DPH6: variants seen among roughly 807,000 people sequenced by gnomAD.
The protein encoded by DPH6 is diphthine--ammonia ligase.
Under a neutral mutation model 38.2 loss-of-function variants are expected in DPH6, and 33 were observed. The ratio of observed to expected loss-of-function variants is 0.86; its 90% confidence interval spans 0.65 to 1.15. The LOEUF (loss-of-function observed/expected upper bound fraction) is 1.15. DPH6 is among the 50% of genes most tolerant of loss of function. DPH6 has a pLI of 0.00. For missense variants in DPH6, 325 were observed against 320.0 expected (o/e 1.02, Z -0.12); for synonymous variants, 108 against 103.0 (o/e 1.05, Z -0.30).
intron 3 of DPH6, among the ~76,000 whole-genome samples, chr15:35,270,356 T>A (rs1488270649): frequency 6.6e-6 from 1 of 152,258 alleles, no homozygotes; most frequent in Non-Finnish European, 1.5e-5. Flanking sequence ...CTGCTGATCT[T>A]GTCAGCTATT....
intron 5 of DPH6, 24 bp from the exon 6 acceptor site, chr15:35,410,920 T>A (rs1475279054): frequency 5.0e-6 from 8 of 1,594,584 alleles, no homozygotes; most frequent in Non-Finnish European, 6.8e-6. Flanking sequence ...TTACATTTTT[T>A]AAAGATAACT....
At chr15:35,257,038 G>T (rs1288473033) in intron 3 of DPH6, among the ~76,000 whole-genome samples, 1 of 152,126 alleles carries the variant, frequency 6.6e-6, no homozygotes, top group African/African-American at 2.4e-5. Flanking sequence ...ATAGTGACAG[G>T]GGAGTGCTGG....
intron 3 of DPH6, among the ~76,000 whole-genome samples, chr15:35,467,352 G>GTGT (rs2054139825): frequency 1.3e-5 from 2 of 152,184 alleles, no homozygotes; most frequent in South Asian, 2.1e-4. Flanking sequence ...ATCACTTGAG[G>GTGT]TCAGGAGTTT....
intron 4 of DPH6, among the ~76,000 whole-genome samples, chr15:35,451,241 A>G (rs1034688560): frequency 6.6e-6 from 1 of 151,644 alleles, no homozygotes; most frequent in Admixed American, 6.6e-5. Flanking sequence ...CTAACTTTGA[A>G]TTTTTTTTTA....
At chr15:35,360,684 T>C (rs1474010187) in intron 3 of DPH6, among the ~76,000 whole-genome samples, 1 of 152,138 alleles carries the variant, frequency 6.6e-6, no homozygotes, top group Non-Finnish European at 1.5e-5. Flanking sequence ...TGCCTGCTAT[T>C]GGGGGCATAG....
Position 35,401,207 on chromosome 15 carries a change from T to C in DPH6, c.567+9628A>G, listed in dbSNP as rs183792398. ...AGGAAAGCCCTGTCAAACCAAGAGA[T>C]GGCTAGTGCTTCATCCAGCCAAAGA... On this transcript the variant is annotated intron_variant, in intron 6 of 8. Transcript: ENST00000256538. 2.8e-3 allele frequency: 3,330 copies of C among 1,210,498 alleles called. 12 individuals carry two copies. Among genetic ancestry groups the C allele is most frequent in the Admixed American group, 5.1e-3 (302 of 59,202 alleles). The allele number at this position is 1,210,498 out of a possible 1,614,324, so 75.0% of individuals were successfully genotyped here.
intron 3 of DPH6, among the ~76,000 whole-genome samples, chr15:35,503,226 T>A (rs1393642348): frequency 1.3e-5 from 2 of 151,996 alleles, no homozygotes. Flanking sequence ...TTGTTATAAG[T>A]AAATAAGTAA....
At chr15:35,250,244 C>A (rs1410172560) in intron 3 of DPH6, among the ~76,000 whole-genome samples, 1 of 151,670 alleles carries the variant, frequency 6.6e-6, no homozygotes, top group East Asian at 1.9e-4. Flanking sequence ...ATAAGATATA[C>A]CCTAATGGCT....
At chr15:35,543,405 A>G (rs1484616297) in intron 1 of DPH6, among the ~76,000 whole-genome samples, 1 of 151,708 alleles carries the variant, frequency 6.6e-6, no homozygotes, top group Non-Finnish European at 1.5e-5. Flanking sequence ...CATATCACTT[A>G]GTAAAGACAA....
intron 3 of DPH6, among the ~76,000 whole-genome samples, chr15:35,353,258 T>C (rs1231234646): frequency 3.9e-5 from 6 of 152,216 alleles, no homozygotes; most frequent in Non-Finnish European, 8.8e-5. Flanking sequence ...TAGTTTCTTT[T>C]GCTGTGCAGA....
chr15:35,346,692 T>A (rs528892328), intron 3 of DPH6, among the ~76,000 whole-genome samples: 1 of 152,172 alleles, frequency 6.6e-6, no homozygotes, highest in African/African-American at 2.4e-5. Context: ...CCTACCTTCT[T>A]AAGAGGAATG....
intron 3 of DPH6, among the ~76,000 whole-genome samples, chr15:35,335,715 AGTTCTCT>A (rs983398497): frequency 8.5e-5 from 13 of 152,120 alleles, no homozygotes; most frequent in Admixed American, 3.9e-4. Flanking sequence ...CTTATTTCTG[AGTTCTCT>A]GTTCGATTCC....
chr15:35,334,195 A>T (rs1037291178), intron 3 of DPH6, among the ~76,000 whole-genome samples: 1 of 152,104 alleles, frequency 6.6e-6, no homozygotes, highest in Non-Finnish European at 1.5e-5. Context: ...AACATTTTTT[A>T]AAAAAAGGTA....
At chr15:35,287,149 G>A (rs318346) in intron 3 of DPH6, among the ~76,000 whole-genome samples, 149,628 of 152,310 alleles carry the variant, frequency 0.98, 73,552 homozygotes, top group East Asian at 1. Flanking sequence ...AACAGGCTTT[G>A]TTTAAAAAAA....
chr15:35,456,865 CT>C (rs1238497878), intron 3 of DPH6, among the ~76,000 whole-genome samples: 9 of 152,272 alleles, frequency 5.9e-5, no homozygotes, highest in Non-Finnish European at 1.2e-4. Flanking sequence ...TTAGTTAATG[CT>C]CATCACAACC....
At chr15:35,257,862 T>C (rs989327439) in intron 3 of DPH6, among the ~76,000 whole-genome samples, 22 of 151,994 alleles carry the variant, frequency 1.4e-4, no homozygotes, top group Non-Finnish European at 2.9e-5. Context: ...TTTACCTTGA[T>C]TGAGTGGTGG....
the DPH6 span, among the ~76,000 whole-genome samples, chr15:35,176,152 T>C: frequency 2.6e-5 from 4 of 152,224 alleles, no homozygotes; most frequent in Non-Finnish European, 5.9e-5. Context: ...CACATTTTAA[T>C]TTTTTTGTAG....
chr15:35,286,989 C>T (rs931568334), intron 3 of DPH6, among the ~76,000 whole-genome samples: 6 of 152,040 alleles, frequency 3.9e-5, no homozygotes, highest in South Asian at 4.2e-4. Flanking sequence ...CTTTTTTTGA[C>T]GCAGTAGTAT....
In DPH6 at chr15:35,285,872, G is replaced by GTTTTT. The variant is rs67243158; in HGVS notation, n.201-65295_201-65291dup. On this transcript the variant is annotated intron_variant and non_coding_transcript_variant, in intron 3 of 3. Coordinates refer to the DPH6 transcript ENST00000560386. ...GACTCAATTATCATTTTATCTTTGA[G>GTTTTT]TTTTTTTTTTTTTTTTTACCTGAGA... is the stretch of plus-strand genomic sequence containing the variant. Among the ~76,000 whole-genome samples the GTTTTT allele has an allele frequency of 4.4e-3, 230 of 52,814 alleles. 42 individuals are homozygous for GTTTTT. Among genetic ancestry groups the GTTTTT allele is most frequent in the Middle Eastern group, 0.021 (1 of 48 alleles). 34.6% of individuals were successfully genotyped at this position (52,814 alleles called of 152,430 possible).
Sources: allele counts gnomAD v4.1 joint callset (sites outside exome capture counted in the v4.1 genomes callset), GRCh38; gene constraint gnomAD v4.1.1; transcripts MANE v1.5; gene names NCBI Gene and HGNC (gene_info 2026-07-23, HGNC 2026-07-21).